KIAA0825: variants seen among roughly 807,000 people sequenced by gnomAD.
KIAA0825 encodes KIAA0825.
A neutral mutation model predicts 147.6 loss-of-function variants in KIAA0825; 119 were observed. The observed-to-expected ratio is 0.81, with a 90% CI of 0.69 to 0.94. The LOEUF (loss-of-function observed/expected upper bound fraction) is 0.94, where lower values mean the gene tolerates loss of function less well. KIAA0825 is among the 40% of genes least tolerant of loss of function. The pLI, the probability that KIAA0825 is intolerant of heterozygous loss-of-function variation, is 0.00. For missense variants in KIAA0825, 1,381 were observed against 1,472.7 expected (o/e 0.94, Z 1.02); for synonymous variants, 470 against 518.1 (o/e 0.91, Z 1.26).
At chr5:94,419,509 C>T (rs1216518044) in intron 14 of KIAA0825, among the ~76,000 whole-genome samples, 1 of 152,176 alleles carries the variant, frequency 6.6e-6, no homozygotes, top group Non-Finnish European at 1.5e-5. Flanking sequence ...ATCTGTTCTA[C>T]CCAGTAGAGT....
chr5:94,354,046 C>T (rs1783989542), intron 20 of KIAA0825, among the ~76,000 whole-genome samples: 1 of 152,030 alleles, frequency 6.6e-6, no homozygotes, highest in African/African-American at 2.4e-5. Context: ...TCATTCTTCC[C>T]ATTCCCTTTC....
At chr5:94,284,303 A>C (rs1777577704) in intron 20 of KIAA0825, among the ~76,000 whole-genome samples, 2 of 152,078 alleles carry the variant, frequency 1.3e-5, no homozygotes, top group Admixed American at 1.3e-4. Context: ...AATGTATATG[A>C]AGTGGGTGGT....
intron 10 of KIAA0825, 149 bp downstream of exon 10, chr5:94,469,812 C>A: frequency 1.7e-6 from 1 of 587,242 alleles, no homozygotes; most frequent in South Asian, 4.1e-5. Flanking sequence ...ACTGTTTTTC[C>A]TAAGTATGAA....
At chr5:94,162,307 AT>A (rs1023760641) in intron 20 of KIAA0825, among the ~76,000 whole-genome samples, 3 of 151,372 alleles carry the variant, frequency 2.0e-5, no homozygotes, top group East Asian at 1.9e-4. Flanking sequence ...TTTGGTTATG[AT>A]TTTTTTTTAG....
At position 94,582,432 on chromosome 5, in the gene KIAA0825, C is replaced by A. The variant is rs1445221468; in HGVS notation, c.-2+1G>T. 2 of 152,160 alleles carry A rather than the reference C, an allele frequency of 1.3e-5. No individual in the cohort carries two copies. The highest frequency in any genetic ancestry group is 2.9e-5 in the Non-Finnish European group (2 of 68,032). The allele number at this position is 152,160 out of a possible 1,614,324, so 9.4% of individuals were successfully genotyped here. A position where few individuals can be genotyped will look rare whatever the true frequency, so the allele number is the denominator to read the frequency against. ...AAAATATGAAGAAAAACATTTCTTA[C>A]CTAATTTTATTTCAGAAGACACTAA... is the stretch of plus-strand genomic sequence containing the variant. On this transcript the variant is annotated splice_donor_variant, in intron 2 of 20. Transcript: ENST00000682413. LOFTEE classifies it low-confidence loss of function (5UTR_SPLICE).
At chr5:94,339,016 A>G (rs1195968359) in intron 20 of KIAA0825, among the ~76,000 whole-genome samples, 6 of 152,174 alleles carry the variant, frequency 3.9e-5, no homozygotes, top group Non-Finnish European at 1.5e-5. Flanking sequence ...TTATAATTTA[A>G]CATATATTTG....
chr5:94,520,967 G>T, intron 4 of KIAA0825, 50 bp from the exon 5 acceptor site: 4 of 1,339,172 alleles, frequency 3.0e-6, no homozygotes, highest in South Asian at 2.9e-5. Context: ...TAGAAAAAAT[G>T]ATTTCTATAG....
intron 2 of KIAA0825, among the ~76,000 whole-genome samples, chr5:94,561,645 T>C (rs115490312): frequency 0.013 from 1,997 of 152,346 alleles, 43 homozygotes; most frequent in African/African-American, 0.045. Flanking sequence ...ATTTCACTAC[T>C]CTGCTTAAAT....
chr5:94,432,228 C>T (rs1270887300), intron 14 of KIAA0825, among the ~76,000 whole-genome samples: 3 of 152,184 alleles, frequency 2.0e-5, no homozygotes, highest in East Asian at 3.8e-4. Flanking sequence ...CCAGCAGCAG[C>T]GGGAGCAGCA....
At chr5:94,500,871 G>A (rs868290079) in intron 5 of KIAA0825, among the ~76,000 whole-genome samples, 62 of 152,170 alleles carry the variant, frequency 4.1e-4, no homozygotes, top group Middle Eastern at 3.4e-3. Context: ...TCCGCCTCCC[G>A]GGTTCAAGCA....
chr5:94,563,497 T>A (rs779314162), intron 2 of KIAA0825, among the ~76,000 whole-genome samples: 1 of 152,148 alleles, frequency 6.6e-6, no homozygotes, highest in Non-Finnish European at 1.5e-5. Context: ...TATGCCCTTG[T>A]ACACACAATA....
intron 1 of KIAA0825, among the ~76,000 whole-genome samples, chr5:94,602,583 T>C (rs1223299177): frequency 2.0e-5 from 3 of 152,158 alleles, no homozygotes; most frequent in East Asian, 1.9e-4. Context: ...GCTGTTCTCA[T>C]GATAGTGAGT....
chr5:94,362,382 T>C (rs1295327825), intron 20 of KIAA0825, among the ~76,000 whole-genome samples: 1 of 152,198 alleles, frequency 6.6e-6, no homozygotes, highest in East Asian at 1.9e-4. Flanking sequence ...ATGTTGCAAA[T>C]TGAACTGATT....
intron 20 of KIAA0825, among the ~76,000 whole-genome samples, chr5:94,273,449 C>T (rs1023234719): frequency 6.6e-6 from 1 of 151,974 alleles, no homozygotes; most frequent in African/African-American, 2.4e-5. Flanking sequence ...AGGTTTGCTA[C>T]AAGGGTATAT....
At chr5:94,184,485 T>G (rs1269955127) in intron 20 of KIAA0825, among the ~76,000 whole-genome samples, 1 of 152,152 alleles carries the variant, frequency 6.6e-6, no homozygotes, top group Non-Finnish European at 1.5e-5. Context: ...ACATTGATCA[T>G]TCACACAAAC....
intron 1 of KIAA0825, among the ~76,000 whole-genome samples, chr5:94,613,805 G>A (rs1224851807): frequency 6.6e-6 from 1 of 152,232 alleles, no homozygotes; most frequent in Non-Finnish European, 1.5e-5. Flanking sequence ...GGTGCTATAA[G>A]GGCTAGCTGT....
At chr5:94,402,928 CTATT>C (rs1407692252) in intron 16 of KIAA0825, among the ~76,000 whole-genome samples, 1 of 151,888 alleles carries the variant, frequency 6.6e-6, no homozygotes, top group African/African-American at 2.4e-5. Flanking sequence ...TAGGGAGAAA[CTATT>C]TAAGAAGAGA....
At chr5:94,242,858 T>C (rs1310250201) in intron 20 of KIAA0825, among the ~76,000 whole-genome samples, 2 of 152,148 alleles carry the variant, frequency 1.3e-5, no homozygotes, top group Non-Finnish European at 2.9e-5. Context: ...TGACCTCAAG[T>C]GATTCACCTG....
chr5:94,403,757 C>T lies in KIAA0825; in HGVS notation c.2699G>A (p.Arg900Gln), dbSNP rs528483323. 2.1e-5 allele frequency: 33 copies of T among 1,551,462 alleles called. No homozygotes were observed. Among genetic ancestry groups the T allele is most frequent in the Admixed American group, 1.6e-4 (8 of 50,980 alleles). The change falls in exon 16 of 21, where the codon CGA becomes CAA. Residue 900 changes from arginine (R) to glutamine (Q), a missense_variant. Physicochemically the swap from Arg to Gln is conservative, Grantham distance 43. Coordinates refer to ENST00000682413, the MANE Select transcript of KIAA0825 (RefSeq NM_001145678.3). Reference sequence around the variant, plus strand: ...ATCGGTCAGTGCCAGTCTCAAGCATCGGATGACCTCTAGCTCGTACTCCAC... The same window carrying T: ...ATCGGTCAGTGCCAGTCTCAAGCATTGGATGACCTCTAGCTCGTACTCCAC... ...TCVEYELEVI[R>Q]CLRLALTDAI...
Sources: allele counts gnomAD v4.1 joint callset (sites outside exome capture counted in the v4.1 genomes callset), GRCh38; gene constraint gnomAD v4.1.1; transcripts MANE v1.5; gene names NCBI Gene and HGNC (gene_info 2026-07-23, HGNC 2026-07-21).